Variants in SPIRE1 observed in about 807,000 individuals in gnomAD.
SPIRE1 encodes the protein spire type actin nucleation factor 1, also known as protein spire homolog 1.
Under a neutral mutation model 94.1 loss-of-function variants are expected in SPIRE1, and 40 were observed. The ratio of observed to expected loss-of-function variants is 0.43; its 90% CI spans 0.33 to 0.55. The LOEUF is 0.55. Ranked by LOEUF, SPIRE1 falls within the 20% of genes least tolerant of loss-of-function variation. The pLI is 0.06. For missense variants in SPIRE1, 838 were observed against 975.2 expected (o/e 0.86, Z 1.87); for synonymous variants, 376 against 371.7 (o/e 1.01, Z -0.13).
intron 1 of SPIRE1, among the ~76,000 whole-genome samples, chr18:12,655,824 T>C (rs1358672940): frequency 6.6e-6 from 1 of 152,192 alleles, no homozygotes; most frequent in East Asian, 1.9e-4. Context: ...AAATCACCAC[T>C]ACCAACGCTG....
Position 12,446,716 on chromosome 18 carries a change from G to C in SPIRE1, c.*2922C>G, listed in dbSNP as rs1019200725. The C allele has an allele frequency of 9.3e-6, 1 of 107,994 alleles. No individual in the cohort carries two copies. Among genetic ancestry groups the C allele is most frequent in the African/African-American group, 4.1e-5 (1 of 24,502 alleles). 6.7% of individuals were successfully genotyped at this position (107,994 alleles called of 1,614,324 possible). On this transcript the variant is annotated 3_prime_UTR_variant, in exon 17 of 17. Coordinates refer to ENST00000409402, the MANE Select transcript of SPIRE1 (RefSeq NM_001128626.2). Reference sequence around the variant, plus strand: ...CATATACAAAATTTTCTGCTATTTTGCTTTAGCAAACAGCAATAAACTTTT... The same window carrying C: ...CATATACAAAATTTTCTGCTATTTTCCTTTAGCAAACAGCAATAAACTTTT...
chr18:12,635,877 GTTTTTTTGGT>G (rs2037909854), intron 1 of SPIRE1, among the ~76,000 whole-genome samples: 2 of 150,996 alleles, frequency 1.3e-5, no homozygotes, highest in Non-Finnish European at 3.0e-5. Context: ...AGAAAATTGG[GTTTTTTTGGT>G]TTTTTTTGTT....
chr18:12,585,040 G>A (rs1204694853), intron 2 of SPIRE1, among the ~76,000 whole-genome samples: 1 of 152,054 alleles, frequency 6.6e-6, no homozygotes, highest in African/African-American at 2.4e-5. Flanking sequence ...TCTTGACCTC[G>A]TGATCCGCCC....
chr18:12,509,111 A>T (rs1288534816), intron 5 of SPIRE1, among the ~76,000 whole-genome samples: 1 of 152,254 alleles, frequency 6.6e-6, no homozygotes, highest in Non-Finnish European at 1.5e-5. Flanking sequence ...CCTGGAGATT[A>T]TAATTTATCC....
intron 5 of SPIRE1, among the ~76,000 whole-genome samples, chr18:12,509,674 G>A (rs1006856410): frequency 6.6e-6 from 1 of 152,176 alleles, no homozygotes; most frequent in African/African-American, 2.4e-5. Flanking sequence ...CAGATGAAGA[G>A]ATAAACTGCG....
chr18:12,481,227 G>A (rs2032829477), intron 9 of SPIRE1, among the ~76,000 whole-genome samples: 1 of 152,054 alleles, frequency 6.6e-6, no homozygotes, highest in African/African-American at 2.4e-5. Context: ...CTACTCGAGA[G>A]GCTGAGGCAG....
chr18:12,603,896 T>C (rs2036904689), intron 2 of SPIRE1, among the ~76,000 whole-genome samples: 1 of 152,116 alleles, frequency 6.6e-6, no homozygotes, highest in Non-Finnish European at 1.5e-5. Context: ...CAATGATTTA[T>C]GCAGTCATTC....
At position 12,447,527 on chromosome 18, in the gene SPIRE1, TA is replaced by T. The variant is rs982559240; in HGVS notation, c.*2110del. 4 of 152,234 alleles carry T rather than the reference TA, an allele frequency of 2.6e-5. No individual in the cohort carries two copies. Among genetic ancestry groups the T allele is most frequent in the Admixed American group, 2.6e-4 (4 of 15,278 alleles). 9.4% of individuals were successfully genotyped at this position (152,234 alleles called of 1,614,324 possible). On this transcript the variant is annotated 3_prime_UTR_variant, in exon 17 of 17. Transcript: ENST00000409402. ...TTTAACTGTGCCATGTGCCCTTTCT[TA>T]CCCCACTTTCTGCAGATTGTTTCAT... is the stretch of plus-strand genomic sequence containing the variant.
At chr18:12,478,436 A>ATG (rs1172069241) in intron 10 of SPIRE1, among the ~76,000 whole-genome samples, 6 of 76,516 alleles carry the variant, frequency 7.8e-5, no homozygotes, top group African/African-American at 1.1e-4. Context: ...GAGGGTGTGT[A>ATG]TGTGTGTGTG....
upstream of SPIRE1, chr18:12,661,286 TG>T: frequency 1.3e-6 from 1 of 747,114 alleles, no homozygotes; most frequent in Non-Finnish European, 1.6e-6. Context: ...CCAGCCTGGG[TG>T]ACAAGAGTGA....
intron 2 of SPIRE1, among the ~76,000 whole-genome samples, chr18:12,580,875 A>G (rs1289456052): frequency 6.6e-6 from 1 of 152,180 alleles, no homozygotes; most frequent in Non-Finnish European, 1.5e-5. Context: ...AGAAAGCAGT[A>G]GAGCTAGTTA....
At chr18:12,552,751 C>G (rs973468063) in intron 2 of SPIRE1, among the ~76,000 whole-genome samples, 3 of 152,096 alleles carry the variant, frequency 2.0e-5, no homozygotes, top group Non-Finnish European at 4.4e-5. Flanking sequence ...CACGTGGACC[C>G]CCTTAGAGTT....
At chr18:12,518,820 A>G (rs1273649138) in intron 4 of SPIRE1, among the ~76,000 whole-genome samples, 1 of 152,250 alleles carries the variant, frequency 6.6e-6, no homozygotes, top group Non-Finnish European at 1.5e-5. Flanking sequence ...AATGAATATC[A>G]GCCACACAGA....
intron 2 of SPIRE1, among the ~76,000 whole-genome samples, chr18:12,569,938 C>A (rs1200818863): frequency 3.9e-5 from 6 of 152,230 alleles, no homozygotes; most frequent in African/African-American, 1.2e-4. Flanking sequence ...AATGTCATAT[C>A]TACTTGTTTA....
chr18:12,494,852 A>AC, intron 7 of SPIRE1, among the ~76,000 whole-genome samples: 1 of 147,298 alleles, frequency 6.8e-6, no homozygotes, highest in Non-Finnish European at 1.5e-5. Flanking sequence ...AAAAAAAAAA[A>AC]AAAAATACAA....
chr18:12,456,563 G>C (rs2031517483), intron 12 of SPIRE1, among the ~76,000 whole-genome samples: 1 of 152,164 alleles, frequency 6.6e-6, no homozygotes, highest in African/African-American at 2.4e-5. Flanking sequence ...TTATTACGTA[G>C]CAAATAACCA....
At chr18:12,614,743 G>A (rs769810794) in intron 2 of SPIRE1, among the ~76,000 whole-genome samples, 13 of 151,848 alleles carry the variant, frequency 8.6e-5, no homozygotes, top group Non-Finnish European at 8.8e-5. Flanking sequence ...ACTTGAACCC[G>A]GGAGGCAGAG....
intron 2 of SPIRE1, among the ~76,000 whole-genome samples, chr18:12,572,312 AT>A (rs370741742): frequency 1.9e-4 from 29 of 149,492 alleles, no homozygotes; most frequent in African/African-American, 3.9e-4. Context: ...ATCTCATCTC[AT>A]TTTTTTTTTA....
chr18:12,597,784 G>A (rs2036718177), intron 2 of SPIRE1, among the ~76,000 whole-genome samples: 1 of 152,132 alleles, frequency 6.6e-6, no homozygotes, highest in Admixed American at 6.5e-5. Flanking sequence ...CCACTTTCCA[G>A]GGGCACAATT....
Sources: gnomAD v4.1 joint callset for allele counts (sites outside exome capture counted in the v4.1 genomes callset) on GRCh38, gnomAD v4.1.1 for gene constraint, MANE v1.5 for transcripts, NCBI Gene and HGNC (gene_info 2026-07-23, HGNC 2026-07-21) for gene names.